Variants in NT5C3B observed in about 807,000 individuals in gnomAD.
The protein encoded by NT5C3B is 5'-nucleotidase, cytosolic IIIB.
A neutral mutation model predicts 32.5 loss-of-function variants in NT5C3B; 28 were observed. The ratio of observed to expected loss-of-function variants is 0.86; its 90% CI spans 0.64 to 1.18. NT5C3B has a LOEUF of 1.18. Ranked by LOEUF, NT5C3B falls within the 50% of genes most tolerant of loss-of-function variation. The pLI is 0.00. For synonymous variants in NT5C3B, 138 were observed against 118.0 expected (o/e 1.17, Z -1.10); for missense variants, 317 against 322.0 (o/e 0.98, Z 0.12).
chr17:41,826,109 C>T (rs8079567), intron 8 of NT5C3B, among the ~76,000 whole-genome samples: 115,343 of 150,550 alleles, frequency 0.77, 44,376 homozygotes, highest in Admixed American at 0.85. Flanking sequence ...TGAGCCAAGA[C>T]TGAGCCATGA....
In NT5C3B at chr17:41,825,463, A is replaced by C; in HGVS notation, c.*60T>G. The stretch of plus-strand genomic sequence containing the variant: ...CTCTGCTCTGTGTTCACGGGGGAGC[A>C]GACTCTGGGGAGGCGCCCCTCCTCA... On this transcript the variant is annotated 3_prime_UTR_variant, in exon 9 of 9. Coordinates refer to ENST00000435506, the MANE Select transcript of NT5C3B (RefSeq NM_052935.5). 1 of 826,996 alleles carries C rather than the reference A, an allele frequency of 1.2e-6. No homozygotes were observed. Among genetic ancestry groups the C allele is most frequent in the East Asian group, 2.5e-5 (1 of 40,396 alleles). 51.2% of individuals were successfully genotyped at this position (826,996 alleles called of 1,614,324 possible). A position where few individuals can be genotyped will look rare whatever the true frequency, so the allele number is the denominator to read the frequency against.
At position 41,825,513 on chromosome 17, in the gene NT5C3B, G is replaced by A. The variant is rs1366144736; in HGVS notation, c.*10C>T. 3.4e-6 allele frequency: 3 copies of A among 871,204 alleles called. No individual in the cohort carries two copies. The African/African-American group carries it at 4.9e-5, about 14-fold the overall frequency. The allele number at this position is 871,204 out of a possible 1,614,324, so 54.0% of individuals were successfully genotyped here. A position where few individuals can be genotyped will look rare whatever the true frequency, so the allele number is the denominator to read the frequency against. On this transcript the variant is annotated 3_prime_UTR_variant, in exon 9 of 9. Transcript: ENST00000435506. ...ACCACGGCCTGCAGGCCGGGCTGGAGCCTGCGCCTTCAGGGGCCTTGCATC... is the reference window on the plus strand; with the variant it reads ...ACCACGGCCTGCAGGCCGGGCTGGAACCTGCGCCTTCAGGGGCCTTGCATC...
chr17:41,831,509 G>T lies in NT5C3B; in HGVS notation c.315-619C>A, dbSNP rs566805487. Reference sequence around the variant, plus strand: ...GAATGTGTTGGAAACTTGATCCCCAGTGTGGAGGTGTTGAGAGATGGGGCC... The same window carrying T: ...GAATGTGTTGGAAACTTGATCCCCATTGTGGAGGTGTTGAGAGATGGGGCC... On this transcript the variant is annotated intron_variant, in intron 5 of 8. Coordinates refer to ENST00000435506, the MANE Select transcript of NT5C3B (RefSeq NM_052935.5). Among the ~76,000 whole-genome samples the T allele has an allele frequency of 3.3e-5, 5 of 152,304 alleles. No individual in the cohort carries two copies. In the East Asian group the frequency reaches 9.7e-4, roughly 29 times the overall value.
chr17:41,826,760 G>A (rs996402945), intron 8 of NT5C3B, among the ~76,000 whole-genome samples: 5 of 151,998 alleles, frequency 3.3e-5, no homozygotes, highest in South Asian at 2.1e-4. Context: ...CAGCACTTCG[G>A]GAGACTGAGG....
intron 4 of NT5C3B, among the ~76,000 whole-genome samples, chr17:41,833,801 A>G (rs190249870): frequency 8.5e-5 from 13 of 152,192 alleles, no homozygotes; most frequent in Admixed American, 7.2e-4. Flanking sequence ...CACAGCATCT[A>G]TGTGTGTTTC....
intron 4 of NT5C3B, 119 bp from the exon 5 acceptor site, chr17:41,832,596 G>A (rs968516312): frequency 2.9e-6 from 2 of 691,320 alleles, no homozygotes; most frequent in Non-Finnish European, 5.0e-6. Context: ...GGCCAGGGGC[G>A]GTGGCTCACA....
At position 41,825,540 on chromosome 17, in the gene NT5C3B, C is replaced by T; in HGVS notation, c.886G>A (p.Glu296Lys). 1 of 872,624 alleles carries T rather than the reference C, an allele frequency of 1.1e-6. No individual in the cohort carries two copies. The highest frequency in any genetic ancestry group is 2.4e-5 in the East Asian group (1 of 41,708). 54.1% of individuals were successfully genotyped at this position (872,624 alleles called of 1,614,324 possible). The change falls in exon 9 of 9, where the codon GAG becomes AAG. Residue 296 changes from glutamate (E) to lysine (K), a missense_variant. By Grantham distance (56) the Glu-to-Lys change is moderately conservative (BLOSUM62 1). Coordinates refer to ENST00000435506, the MANE Select transcript of NT5C3B (RefSeq NM_052935.5). ...CTGCGCCTTCAGGGGCCTTGCATCT[C>T]CAGCTGGACCCCCTGGCACAGGATG... Reference protein sequence around the residue: ...QHILCQGVQLEMQGP With the variant: ...QHILCQGVQLKMQGP
intron 1 of NT5C3B, 50 bp downstream of exon 1, chr17:41,836,132 G>T: frequency 2.3e-6 from 3 of 1,323,312 alleles, no homozygotes; most frequent in African/African-American, 3.1e-5. Context: ...AAGCGCCCCG[G>T]GGGTCGGAGT....
intron 6 of NT5C3B, among the ~76,000 whole-genome samples, chr17:41,830,506 T>C (rs573976763): frequency 6.6e-6 from 1 of 151,748 alleles, no homozygotes; most frequent in South Asian, 2.1e-4. Flanking sequence ...AGATTCTGTC[T>C]TGAGAAGAGA....
In NT5C3B at chr17:41,825,656, A is replaced by C. The variant is rs781891120; in HGVS notation, c.770T>G (p.Val257Gly). The C allele has an allele frequency of 4.6e-6, 4 of 872,714 alleles. No homozygotes were observed. The highest frequency in any genetic ancestry group is 6.0e-6 in the Non-Finnish European group (3 of 501,596). 54.1% of individuals were successfully genotyped at this position (872,714 alleles called of 1,614,324 possible). A position where few individuals can be genotyped will look rare whatever the true frequency, so the allele number is the denominator to read the frequency against. The part of the protein sequence containing the change: ...ILKIGFLNDK[V>G]EERRERYMDS... Reference sequence around the variant, plus strand: ...CATGTAGCGCTCCCGCCGCTCCTCCACCTGCCCGGAATGAGAGGCAGAAGC... The same window carrying C: ...CATGTAGCGCTCCCGCCGCTCCTCCCCCTGCCCGGAATGAGAGGCAGAAGC... The change falls in exon 9 of 9, where the codon GTG becomes GGG. Residue 257 changes from valine to glycine, a missense_variant and splice_region_variant. Coordinates refer to ENST00000435506, the MANE Select transcript of NT5C3B (RefSeq NM_052935.5).
chr17:41,826,918 T>G (rs1291820689), intron 8 of NT5C3B, among the ~76,000 whole-genome samples: 3 of 149,886 alleles, frequency 2.0e-5, no homozygotes, highest in African/African-American at 7.4e-5. Flanking sequence ...AAGAATCACT[T>G]GAACCTGGGA....
In NT5C3B at chr17:41,830,712, A is replaced by G. The variant is rs528212150; in HGVS notation, c.404+89T>C. ...TCCCTTCCGGTCCTTTAAGCAACTA[A>G]CTGCTCTCTACTCTTCCCCCGCCTC... On this transcript the variant is annotated intron_variant, in intron 6 of 8. Transcript: ENST00000435506. The G allele has an allele frequency of 2.0e-4, 178 of 911,020 alleles. No individual in the cohort carries two copies. In the African/African-American group the frequency reaches 2.6e-3, roughly 13 times the overall value. The allele number at this position is 911,020 out of a possible 1,614,324, so 56.4% of individuals were successfully genotyped here. A position where few individuals can be genotyped will look rare whatever the true frequency, so the allele number is the denominator to read the frequency against.
chr17:41,829,039 T>A, intron 6 of NT5C3B, 87 bp from the exon 7 acceptor site: 1 of 1,198,826 alleles, frequency 8.3e-7, no homozygotes, highest in Non-Finnish European at 1.2e-6. Flanking sequence ...GGGTTTTTTG[T>A]GAGACAGGGT....
chr17:41,835,965 G>C lies in NT5C3B; in HGVS notation c.13-8C>G, dbSNP rs537090104. The C allele has an allele frequency of 1.9e-6, 3 of 1,570,180 alleles. No individual in the cohort carries two copies. Among genetic ancestry groups the C allele is most frequent in the South Asian group, 1.2e-5 (1 of 86,006 alleles). Reference sequence around the variant, plus strand: ...CTTCATCAGGGTGCTCACCTGTCCCGAGACCCGAGAGAACCACTGACCCCT... The same window carrying C: ...CTTCATCAGGGTGCTCACCTGTCCCCAGACCCGAGAGAACCACTGACCCCT... On this transcript the variant is annotated splice_polypyrimidine_tract_variant and splice_region_variant and intron_variant, in intron 1 of 8. Transcript: ENST00000435506.
Position 41,825,180 on chromosome 17 carries a change from CT to C in NT5C3B, c.*342del, listed in dbSNP as rs782063810. 8.0e-5 allele frequency: 15 copies of C among 186,346 alleles called. No homozygotes were observed. Among genetic ancestry groups the C allele is most frequent in the Admixed American group, 4.1e-4 (7 of 17,272 alleles). 11.5% of individuals were successfully genotyped at this position (186,346 alleles called of 1,614,324 possible). ...ACCCACATCCCCTGAATCAGAGCAG[CT>C]TTTTTTTCATTTTAAAAATTTTGAT... On this transcript the variant is annotated 3_prime_UTR_variant, in exon 9 of 9. Coordinates refer to ENST00000435506, the MANE Select transcript of NT5C3B (RefSeq NM_052935.5).
intron 7 of NT5C3B, among the ~76,000 whole-genome samples, chr17:41,827,945 C>T (rs2047993375): frequency 6.6e-6 from 1 of 152,218 alleles, no homozygotes; most frequent in Non-Finnish European, 1.5e-5. Context: ...CCTTTTACAG[C>T]ATAAGTTTGT....
chr17:41,834,885 C>T (rs2048118307), intron 4 of NT5C3B, among the ~76,000 whole-genome samples, 185 bp downstream of exon 4: 1 of 152,210 alleles, frequency 6.6e-6, no homozygotes, highest in African/African-American at 2.4e-5. Context: ...CATTAATCAT[C>T]ATATGTCCTG....
Position 41,835,839 on chromosome 17 carries a change from C to A in NT5C3B, c.111+20G>T, listed in dbSNP as rs782634744. ...CCAGCCGCCCCCAGCCCGGCCGGCC[C>A]CCGCACGCCCCAGAGGTACCTGTAA... On this transcript the variant is annotated intron_variant, in intron 2 of 8. Coordinates refer to ENST00000435506, the MANE Select transcript of NT5C3B (RefSeq NM_052935.5). 1 of 1,594,426 alleles carries A rather than the reference C, an allele frequency of 6.3e-7. No individual in the cohort carries two copies. The highest frequency in any genetic ancestry group is 2.3e-5 in the East Asian group (1 of 43,954).
chr17:41,826,349 G>C (rs2047962842), intron 8 of NT5C3B, among the ~76,000 whole-genome samples: 1 of 151,982 alleles, frequency 6.6e-6, no homozygotes, highest in African/African-American at 2.4e-5. Context: ...TCAGCCTCCT[G>C]AGTAACTAGA....
Sources: allele counts gnomAD v4.1 joint callset (sites outside exome capture counted in the v4.1 genomes callset), GRCh38; gene constraint gnomAD v4.1.1; transcripts MANE v1.5; gene names NCBI Gene and HGNC (gene_info 2026-07-23, HGNC 2026-07-21).